Variants in TLK2 observed in about 807,000 individuals in gnomAD.
The protein encoded by TLK2 is serine/threonine-protein kinase tousled-like 2.
In TLK2, 6 loss-of-function variants were observed where a neutral mutation model predicts 117.3. The ratio of observed to expected loss-of-function variants is 0.05; its 90% confidence interval spans 0.03 to 0.10. The LOEUF is 0.10. TLK2 is among the 10% of genes least tolerant of loss of function. TLK2 has a pLI of 1.00. For synonymous variants in TLK2, 257 were observed against 316.7 expected (o/e 0.81, Z 2.00); for missense variants, 299 against 901.2 (o/e 0.33, Z 8.56).
chr17:62,514,161 T>G (rs1461886744), intron 2 of TLK2, among the ~76,000 whole-genome samples: 1 of 152,026 alleles, frequency 6.6e-6, no homozygotes, highest in East Asian at 1.9e-4. Context: ...TTTTTTTTTT[T>G]GAGATGGAGT....
intron 15 of TLK2, among the ~76,000 whole-genome samples, chr17:62,582,902 A>C (rs1439008839): frequency 6.6e-6 from 1 of 152,106 alleles, no homozygotes; most frequent in African/African-American, 2.4e-5. Flanking sequence ...TAATCAGCTT[A>C]TTTTACTTAG....
chr17:62,492,867 G>T (rs911636419), intron 2 of TLK2, among the ~76,000 whole-genome samples: 1 of 152,040 alleles, frequency 6.6e-6, no homozygotes, highest in African/African-American at 2.4e-5. Context: ...GGAGGCCGAG[G>T]TGGGCAGATC....
At chr17:62,587,214 C>T (rs1036962300) in intron 16 of TLK2, among the ~76,000 whole-genome samples, 2 of 152,134 alleles carry the variant, frequency 1.3e-5, no homozygotes, top group Non-Finnish European at 1.5e-5. Flanking sequence ...AGCTTCTGAA[C>T]GTTGGAGTTC....
chr17:62,587,676 G>A (rs1210948409), intron 16 of TLK2, among the ~76,000 whole-genome samples: 2 of 152,166 alleles, frequency 1.3e-5, no homozygotes, highest in African/African-American at 2.4e-5. Context: ...GGCACCCTGC[G>A]TGTGTTTCTT....
chr17:62,601,953 C>A, intron 18 of TLK2, 89 bp from the exon 19 acceptor site: 1 of 1,186,078 alleles, frequency 8.4e-7, no homozygotes, highest in Non-Finnish European at 1.2e-6. Context: ...AGTTTGAGTT[C>A]AGTTGTCCCC....
chr17:62,496,337 G>GT (rs950165647), intron 2 of TLK2, among the ~76,000 whole-genome samples: 4 of 152,130 alleles, frequency 2.6e-5, no homozygotes, highest in African/African-American at 9.7e-5. Context: ...ATGGACAGCA[G>GT]TGTTTTGTTG....
chr17:62,595,859 G>A (rs1399208255), intron 16 of TLK2, among the ~76,000 whole-genome samples: 1 of 152,122 alleles, frequency 6.6e-6, no homozygotes, highest in Non-Finnish European at 1.5e-5. Context: ...GGGTTTACAT[G>A]CTAAAAATGA....
chr17:62,525,078 A>G (rs796439933), intron 6 of TLK2, among the ~76,000 whole-genome samples: 4 of 152,322 alleles, frequency 2.6e-5, no homozygotes, highest in African/African-American at 9.6e-5. Context: ...GTGTCTTCGC[A>G]TTATTTGTTG....
chr17:62,524,158 G>A lies in TLK2; in HGVS notation c.268-78G>A, dbSNP rs2076226135. On this transcript the variant is annotated intron_variant, in intron 5 of 21. Coordinates refer to ENST00000346027, the MANE Select transcript of TLK2 (RefSeq NM_006852.6). ...GGCCATATAATTAAGATCTGTTTGT[G>A]TATTAATCTTTTACTCTCCTTATCT... 24 of 1,286,990 alleles carry A rather than the reference G, an allele frequency of 1.9e-5. No homozygotes were observed. The South Asian group carries it at 2.9e-4, about 16-fold the overall frequency. 79.7% of individuals were successfully genotyped at this position (1,286,990 alleles called of 1,614,324 possible).
intron 6 of TLK2, among the ~76,000 whole-genome samples, chr17:62,531,804 T>G (rs1414117489): frequency 6.6e-6 from 1 of 152,210 alleles, no homozygotes; most frequent in African/African-American, 2.4e-5. Context: ...TGATTTGGAT[T>G]GTGTCAACAT....
chr17:62,514,194 T>A (rs1001444502), intron 2 of TLK2, among the ~76,000 whole-genome samples: 2 of 150,906 alleles, frequency 1.3e-5, no homozygotes, highest in Non-Finnish European at 3.0e-5. Context: ...CCCAGGCTGG[T>A]GTGCAGTGGT....
chr17:62,602,779 A>G (rs1419383051), intron 19 of TLK2, among the ~76,000 whole-genome samples: 2 of 152,160 alleles, frequency 1.3e-5, no homozygotes, highest in East Asian at 3.8e-4. Flanking sequence ...CCCGCACCCA[A>G]GCTACCTCTG....
chr17:62,565,130 C>A lies in TLK2; in HGVS notation c.961C>A (p.Leu321Ile). The A allele has an allele frequency of 6.2e-7, 1 of 1,600,926 alleles. No individual in the cohort carries two copies. The highest frequency in any genetic ancestry group is 8.5e-7 in the Non-Finnish European group (1 of 1,176,928). ...GACAGATGGTTATGCTTTTCAGAAT[C>A]TTATCAAGTAAGTGAATTGTTATGA... ...QWTDGYAFQN[L>I]IKQQERINSQ... The change falls in exon 11 of 22, where the codon CTT becomes ATT. Residue 321 changes from leucine to isoleucine, a missense_variant. Leu to Ile is a conservative substitution (Grantham distance 5, BLOSUM62 2). Around this residue, in one of 4 missense-constraint regions of TLK2, gnomAD observed 94 missense variants for 282.6 expected, o/e 0.33. Coordinates refer to ENST00000346027, the MANE Select transcript of TLK2 (RefSeq NM_006852.6).
chr17:62,574,401 G>A (rs1353835912), intron 12 of TLK2: 2 of 1,368,766 alleles, frequency 1.5e-6, no homozygotes, highest in Non-Finnish European at 1.0e-6. Flanking sequence ...GGAGCCCACA[G>A]TTTACTTAGG....
intron 1 of TLK2, among the ~76,000 whole-genome samples, chr17:62,479,562 C>T (rs2071362147): frequency 1.3e-5 from 2 of 151,776 alleles, no homozygotes; most frequent in African/African-American, 4.8e-5. Flanking sequence ...CTGGAGGCCT[C>T]GGCAGCCTCC....
chr17:62,472,650 A>C (rs2070963353), intron 1 of TLK2, among the ~76,000 whole-genome samples: 1 of 151,642 alleles, frequency 6.6e-6, no homozygotes, highest in Non-Finnish European at 1.5e-5. Flanking sequence ...AAGCAGGAGA[A>C]TCTCTTGAAT....
At chr17:62,556,490 C>T (rs1318872063) in intron 9 of TLK2, among the ~76,000 whole-genome samples, 2 of 152,130 alleles carry the variant, frequency 1.3e-5, no homozygotes, top group African/African-American at 4.8e-5. Context: ...CTCTCTTTTG[C>T]CCTCCCGTGG....
At chr17:62,475,341 C>T (rs1332843122), upstream of TLK2, among the ~76,000 whole-genome samples, 1 of 152,024 alleles carries the variant, frequency 6.6e-6, no homozygotes, top group Non-Finnish European at 1.5e-5. Flanking sequence ...TCAAGAATAA[C>T]AATAATAATA....
At chr17:62,588,530 G>C (rs1362965974) in intron 16 of TLK2, among the ~76,000 whole-genome samples, 1 of 152,210 alleles carries the variant, frequency 6.6e-6, no homozygotes, top group South Asian at 2.1e-4. Flanking sequence ...CCTCATCAGA[G>C]GAGGGATCAT....
Sources: allele counts gnomAD v4.1 joint callset (sites outside exome capture counted in the v4.1 genomes callset), GRCh38; gene constraint gnomAD v4.1.1; regional missense constraint gnomAD v4.1.1; transcripts MANE v1.5; gene names NCBI Gene and HGNC (gene_info 2026-07-23, HGNC 2026-07-21).